The following ANK2 variants were observed in gnomAD, a reference collection of about 807,000 sequenced individuals.
ANK2 encodes the protein ankyrin 2.
A neutral mutation model predicts 360.5 loss-of-function variants in ANK2; 83 were observed. The ratio of observed to expected loss-of-function variants is 0.23; its 90% CI spans 0.19 to 0.28. The LOEUF (loss-of-function observed/expected upper bound fraction) is 0.28, where lower values mean the gene tolerates loss of function less well. Among genes scored for constraint, ANK2 ranks in the 10% least tolerant of loss-of-function variants. The pLI is 1.00. For synonymous variants in ANK2, 1,740 were observed against 1,759.5 expected (o/e 0.99, Z 0.28); for missense variants, 4,201 against 4,795.7 (o/e 0.88, Z 3.66).
chr4:112,925,167 A>G (rs2092368247), intron 2 of ANK2, among the ~76,000 whole-genome samples: 1 of 152,192 alleles, frequency 6.6e-6, no homozygotes, highest in South Asian at 2.1e-4. Context: ...TAGAAACTAC[A>G]TTTTTAAAAG....
At chr4:113,158,766 A>G (rs1302746998) in intron 1 of ANK2, among the ~76,000 whole-genome samples, 3 of 152,202 alleles carry the variant, frequency 2.0e-5, no homozygotes, top group African/African-American at 7.2e-5. Flanking sequence ...AGTCAGGGTT[A>G]GAGATGAGGT....
Position 113,282,847 on chromosome 4 carries a change from G to A in ANK2, c.2054G>A (p.Gly685Glu). 1 of 1,613,984 alleles carries A rather than the reference G, an allele frequency of 6.2e-7. No homozygotes were observed. The highest frequency in any genetic ancestry group is 8.5e-7 in the Non-Finnish European group (1 of 1,179,944). The change falls in exon 18 of 46, where the codon GGA (glycine) becomes GAA (glutamate). Residue 685 changes from glycine to glutamate, a missense_variant. Transcript: ENST00000357077. ...TDMVTLLLDK[G>E]ANIHMSTKSG... is the part of the protein sequence containing the mutation. ...ATGGTTACCTTGCTTCTGGATAAGG[G>A]AGCCAATATCCACATGTCAACTAAG...
At chr4:113,061,742 C>A (rs1006907694) in intron 1 of ANK2, among the ~76,000 whole-genome samples, 2 of 151,674 alleles carry the variant, frequency 1.3e-5, no homozygotes, top group East Asian at 1.9e-4. Context: ...TTGTTTAATG[C>A]GCACAAAAAA....
intron 2 of ANK2, among the ~76,000 whole-genome samples, chr4:112,934,951 A>G (rs994552528): frequency 6.6e-6 from 1 of 152,202 alleles, no homozygotes; most frequent in Non-Finnish European, 1.5e-5. Context: ...TGAAGGGAGT[A>G]AGAGAACAAA....
In ANK2 at chr4:113,354,877, G is replaced by T; in HGVS notation, c.6259G>T (p.Val2087Phe). Residue 2087 changes from valine (V) to phenylalanine (F), a missense_variant, in exon 38 of 46, where the codon GTT (valine) becomes TTT (phenylalanine). Around this residue, in one of 4 missense-constraint regions of ANK2, gnomAD observed 2,642 missense variants for 2,714.5 expected, o/e 0.97. Coordinates refer to ENST00000357077, the MANE Select transcript of ANK2 (RefSeq NM_001148.6). Reference protein sequence around the residue: ...KEDAAGGKEKVLSHKIPEPVQ... With the variant: ...KEDAAGGKEKFLSHKIPEPVQ... ...AGATGCAGCTGGAGGAAAGGAGAAA[G>T]TTCTCAGCCACAAAATACCTGAACC... 6.2e-7 allele frequency: 1 copy of T among 1,614,128 alleles called. No homozygotes were observed. The highest frequency in any genetic ancestry group is 1.3e-5 in the African/African-American group (1 of 75,048).
chr4:113,237,233 G>T (rs961475124), intron 6 of ANK2, 61 bp downstream of exon 6: 13 of 1,547,692 alleles, frequency 8.4e-6, no homozygotes, highest in Non-Finnish European at 1.1e-5. Flanking sequence ...TCCTCCTGGG[G>T]GATGATAAAG....
chr4:112,763,433 C>T, the ANK2 span, among the ~76,000 whole-genome samples: 29 of 151,364 alleles, frequency 1.9e-4, no homozygotes, highest in Non-Finnish European at 2.4e-4. Flanking sequence ...GGGGTTTCAC[C>T]GTGTTAGCCA....
At chr4:113,362,045 T>C (rs1005524834) in intron 39 of ANK2, among the ~76,000 whole-genome samples, 11 of 152,222 alleles carry the variant, frequency 7.2e-5, no homozygotes, top group Admixed American at 6.5e-4. Context: ...CCTATATTTA[T>C]GCCTGTTATT....
intron 2 of ANK2, among the ~76,000 whole-genome samples, chr4:112,996,746 A>G (rs1052846277): frequency 1.3e-5 from 2 of 152,132 alleles, no homozygotes; most frequent in East Asian, 1.9e-4. Flanking sequence ...AAACAATCCA[A>G]TTACACTCTT....
intron 2 of ANK2, among the ~76,000 whole-genome samples, chr4:113,182,830 G>C (rs751592767): frequency 2.0e-5 from 3 of 152,090 alleles, no homozygotes; most frequent in Non-Finnish European, 2.9e-5. Context: ...TTCTATAAAA[G>C]AAAGAAGAGA....
chr4:113,376,558 A>C (rs975680526), intron 45 of ANK2, among the ~76,000 whole-genome samples: 1 of 152,116 alleles, frequency 6.6e-6, no homozygotes, highest in Non-Finnish European at 1.5e-5. Flanking sequence ...CATTTGTTTA[A>C]ATTTTCCTTT....
the ANK2 span, among the ~76,000 whole-genome samples, chr4:112,775,547 G>GA: frequency 1.6e-4 from 3 of 18,908 alleles, no homozygotes; most frequent in African/African-American, 5.9e-4. Flanking sequence ...ACACACACAA[G>GA]AAAAAAAATT....
At chr4:113,048,246 G>GTATA (rs1561687336), upstream of ANK2, among the ~76,000 whole-genome samples, 265 of 54,600 alleles carry the variant, frequency 4.9e-3, 8 homozygotes, top group African/African-American at 0.02. Context: ...ATCTACAAGT[G>GTATA]TGTATATATA....
At chr4:112,971,859 TTAA>T (rs1389111688) in intron 2 of ANK2, among the ~76,000 whole-genome samples, 1 of 152,108 alleles carries the variant, frequency 6.6e-6, no homozygotes, top group African/African-American at 2.4e-5. Flanking sequence ...AGACATAACA[TTAA>T]AATCCACCCA....
intron 1 of ANK2, among the ~76,000 whole-genome samples, chr4:113,152,947 A>T (rs1178196446): frequency 6.6e-6 from 1 of 152,198 alleles, no homozygotes; most frequent in East Asian, 1.9e-4. Context: ...AAGTATAATA[A>T]TTTCAATGGT....
chr4:113,055,139 C>A (rs1010819787), intron 1 of ANK2, among the ~76,000 whole-genome samples: 5 of 151,986 alleles, frequency 3.3e-5, no homozygotes, highest in African/African-American at 1.2e-4. Flanking sequence ...ACACCTGTAA[C>A]CCCAGCACTT....
intron 4 of ANK2, among the ~76,000 whole-genome samples, chr4:113,221,875 G>T (rs1437667535): frequency 6.6e-6 from 1 of 152,202 alleles, no homozygotes; most frequent in Non-Finnish European, 1.5e-5. Flanking sequence ...GACCCAGAGA[G>T]AATACAGTAT....
chr4:113,005,251 G>GA (rs145338859), intron 2 of ANK2, among the ~76,000 whole-genome samples: 10 of 150,276 alleles, frequency 6.7e-5, no homozygotes, highest in Non-Finnish European at 8.9e-5. Context: ...GTATCCAAAG[G>GA]AAAAAAAAAT....
intron 2 of ANK2, among the ~76,000 whole-genome samples, chr4:113,183,002 T>G (rs894676008): frequency 1.3e-5 from 2 of 152,032 alleles, no homozygotes; most frequent in Admixed American, 6.6e-5. Context: ...GTCCTTGAGT[T>G]GATGAGAAGT....
Sources: allele counts gnomAD v4.1 joint callset (sites outside exome capture counted in the v4.1 genomes callset), GRCh38; gene constraint gnomAD v4.1.1; regional missense constraint gnomAD v4.1.1; transcripts MANE v1.5; gene names NCBI Gene and HGNC (gene_info 2026-07-23, HGNC 2026-07-21).